PTPRA: variants seen among roughly 807,000 people sequenced by gnomAD.
PTPRA encodes the protein receptor-type tyrosine-protein phosphatase alpha.
Under a neutral mutation model 104.8 loss-of-function variants are expected in PTPRA, and 25 were observed. That is an observed-to-expected ratio of 0.24 (90% CI 0.17 to 0.33). PTPRA has a LOEUF of 0.33. Ranked by LOEUF, PTPRA falls within the 10% of genes least tolerant of loss-of-function variation. The pLI, the probability that PTPRA is intolerant of heterozygous loss-of-function variation, is 1.00. For synonymous variants in PTPRA, 323 were observed against 368.9 expected, an observed-to-expected ratio of 0.88 and a Z score of 1.43; for missense variants, 765 against 1,015.3, an observed-to-expected ratio of 0.75 and a Z score of 3.35.
At chr20:2,867,868 T>C in the PTPRA span, among the ~76,000 whole-genome samples, 1 of 152,192 alleles carries the variant, frequency 6.6e-6, no homozygotes, top group Non-Finnish European at 1.5e-5. Flanking sequence ...GACTTGTAAA[T>C]GAAAGTTTGT....
At chr20:2,901,313 C>G (rs1419033725) in intron 1 of PTPRA, among the ~76,000 whole-genome samples, 1 of 152,124 alleles carries the variant, frequency 6.6e-6, no homozygotes, top group Non-Finnish European at 1.5e-5. Context: ...CTGCTCTCAG[C>G]TGAACTTTAC....
rs1162684502 is a variant in PTPRA at position 3,037,737 on chromosome 20, AG to A, written c.2335-319del. Among the ~76,000 whole-genome samples the A allele has an allele frequency of 7.2e-5, 11 of 152,242 alleles. No individual in the cohort carries two copies. The highest frequency in any genetic ancestry group is 1.5e-4 in the Non-Finnish European group (10 of 68,038). On this transcript the variant is annotated intron_variant, in intron 23 of 23. Coordinates refer to ENST00000399903, the MANE Select transcript of PTPRA (RefSeq NM_001385305.1). This position sits in a 1 kb window ranked among gnomAD's most constrained non-coding sequence, Gnocchi z 4.3. ...TTTGGGAGACGAGGTTCTGAGAGCC[AG>A]GGTGCATGCTAGCCTGGCAGCCATG... is the stretch of plus-strand genomic sequence containing the variant.
At chr20:2,963,231 A>C (rs985189249) in intron 3 of PTPRA, among the ~76,000 whole-genome samples, 1 of 152,232 alleles carries the variant, frequency 6.6e-6, no homozygotes, top group Non-Finnish European at 1.5e-5. Context: ...CCTAGCAATC[A>C]ACTTGGGAGC....
chr20:2,983,383 T>G (rs2062767037), intron 6 of PTPRA, among the ~76,000 whole-genome samples: 1 of 152,002 alleles, frequency 6.6e-6, no homozygotes, highest in Non-Finnish European at 1.5e-5. Flanking sequence ...ATAAGGAGAT[T>G]AGATTTCATT....
At chr20:2,910,348 A>G (rs1473440833) in intron 1 of PTPRA, among the ~76,000 whole-genome samples, 1 of 85,842 alleles carries the variant, frequency 1.2e-5, no homozygotes, top group Admixed American at 1.3e-4. Flanking sequence ...TATTTTGTAT[A>G]TTATATATTT....
At chr20:3,027,259 A>G (rs376027541) in intron 19 of PTPRA, 62 bp downstream of exon 19, 61 of 1,500,038 alleles carry the variant, frequency 4.1e-5, no homozygotes, top group Non-Finnish European at 5.3e-5. Context: ...CAGCACTTGC[A>G]GTGCCTCCCT....
intron 11 of PTPRA, 48 bp downstream of exon 11, chr20:3,007,468 A>G: frequency 6.4e-7 from 1 of 1,552,300 alleles, no homozygotes; most frequent in Non-Finnish European, 8.9e-7. Flanking sequence ...GACCATTGCC[A>G]CTATCTGTTG....
intron 2 of PTPRA, among the ~76,000 whole-genome samples, chr20:2,938,198 T>G (rs1200785498): frequency 6.6e-6 from 1 of 152,114 alleles, no homozygotes; most frequent in Non-Finnish European, 1.5e-5. Context: ...TTTTTTCCTT[T>G]TTTTGAGACG....
chr20:3,015,936 G>A, intron 12 of PTPRA, 51 bp downstream of exon 12: 1 of 1,516,478 alleles, frequency 6.6e-7, no homozygotes, highest in Non-Finnish European at 9.1e-7. Flanking sequence ...ATCACATAAT[G>A]GGTTTGGTTT....
rs573735876 is a variant in PTPRA at position 2,926,640 on chromosome 20, T to C, written c.-50+3355T>C. ...CTGGGTGACAGAACAAATCTCTGTC[T>C]CAAAAACAAAACAAAACAAACCCAT... On this transcript the variant is annotated intron_variant, in intron 2 of 23. Transcript: ENST00000399903. 2.0e-5 allele frequency among the ~76,000 whole-genome samples: 3 copies of C among 152,148 alleles called. No homozygotes were observed. In the South Asian group the frequency reaches 6.2e-4, roughly 32 times the overall value.
chr20:2,919,491 A>G (rs573786050), intron 1 of PTPRA, among the ~76,000 whole-genome samples: 46 of 152,280 alleles, frequency 3.0e-4, no homozygotes, highest in Non-Finnish European at 5.0e-4. Flanking sequence ...TGTACTGGAC[A>G]CTTTGCTAGG....
At chr20:2,973,487 G>A (rs1194733572) in intron 5 of PTPRA, among the ~76,000 whole-genome samples, 1 of 152,166 alleles carries the variant, frequency 6.6e-6, no homozygotes, top group Non-Finnish European at 1.5e-5. Context: ...AGACCAAAGT[G>A]TCTTTCTCTC....
At chr20:3,024,413 A>T in intron 16 of PTPRA, 59 bp from the exon 17 acceptor site, 1 of 1,524,250 alleles carries the variant, frequency 6.6e-7, no homozygotes, top group Non-Finnish European at 9.0e-7. Context: ...GGAACAGGTG[A>T]TCTGGCATGA....
chr20:2,993,365 A>C (rs931158266), intron 9 of PTPRA, among the ~76,000 whole-genome samples: 3 of 152,226 alleles, frequency 2.0e-5, no homozygotes, highest in South Asian at 4.1e-4. Context: ...TGACATGTAC[A>C]TCTAAGATAC....
Position 3,029,540 on chromosome 20 carries a change from C to CT in PTPRA, c.1920+1717dup, listed in dbSNP as rs71195813. Among the ~76,000 whole-genome samples, 55 of 78,052 alleles carry CT rather than the reference C, an allele frequency of 7.0e-4. 4 individuals are homozygous for CT. The highest frequency in any genetic ancestry group is 5.3e-3 in the Admixed American group (30 of 5,628). The allele number at this position is 78,052 out of a possible 152,430, so 51.2% of individuals were successfully genotyped here. ...GACATACTTTGTAGGTCTTCATCAT[C>CT]TTTTTTTTTTTTTTTTTTGAGACGG... On this transcript the variant is annotated intron_variant, in intron 20 of 23. Transcript: ENST00000399903.
At chr20:2,935,663 A>T (rs2060670513) in intron 2 of PTPRA, among the ~76,000 whole-genome samples, 1 of 151,934 alleles carries the variant, frequency 6.6e-6, no homozygotes. Flanking sequence ...AGCTCAAGTG[A>T]TCTACTTCAG....
chr20:3,031,911 C>T (rs79568377), intron 20 of PTPRA, among the ~76,000 whole-genome samples: 9,540 of 152,240 alleles, frequency 0.063, 965 homozygotes, highest in African/African-American at 0.21. Flanking sequence ...CAGTTATATG[C>T]CTCTATCTGA....
intron 3 of PTPRA, among the ~76,000 whole-genome samples, chr20:2,954,292 T>C (rs900476620): frequency 2.0e-5 from 3 of 152,042 alleles, no homozygotes; most frequent in African/African-American, 7.2e-5. Flanking sequence ...TTGGCCAGGC[T>C]GGGCTCGAAC....
At chr20:2,936,297 G>A (rs1258010526) in intron 2 of PTPRA, among the ~76,000 whole-genome samples, 1 of 152,110 alleles carries the variant, frequency 6.6e-6, no homozygotes, top group African/African-American at 2.4e-5. Context: ...TTTGAAGTAA[G>A]TTTCTTATAG....
Sources: allele counts gnomAD v4.1 joint callset (sites outside exome capture counted in the v4.1 genomes callset), GRCh38; gene constraint gnomAD v4.1.1; non-coding constraint Gnocchi (gnomAD v3.1); transcripts MANE v1.5; gene names NCBI Gene and HGNC (gene_info 2026-07-23, HGNC 2026-07-21).